Variants in NAA35 observed in about 807,000 individuals in gnomAD.
NAA35 encodes the protein N-alpha-acetyltransferase 35, NatC auxiliary subunit.
A neutral mutation model predicts 101.7 loss-of-function variants in NAA35; 18 were observed. The observed-to-expected ratio is 0.18, with a 90% CI of 0.12 to 0.26. The LOEUF (loss-of-function observed/expected upper bound fraction) is 0.26, where lower values mean the gene tolerates loss of function less well. NAA35 is among the 10% of genes least tolerant of loss of function. NAA35 has a pLI of 1.00. For missense variants in NAA35, 601 were observed against 886.8 expected, an observed-to-expected ratio of 0.68 and a Z score of 4.09; for synonymous variants, 267 against 273.1, an observed-to-expected ratio of 0.98 and a Z score of 0.22.
chr9:86,003,161 TG>T (rs1175495787), intron 12 of NAA35, among the ~76,000 whole-genome samples: 1 of 152,194 alleles, frequency 6.6e-6, no homozygotes, highest in Non-Finnish European at 1.5e-5. Context: ...ATTGATCACT[TG>T]GTAGACTCTT....
chr9:86,001,440 T>C (rs1252290344), intron 12 of NAA35, among the ~76,000 whole-genome samples: 1 of 152,218 alleles, frequency 6.6e-6, no homozygotes, highest in African/African-American at 2.4e-5. Flanking sequence ...AATATCTTTG[T>C]TAATTTTTTG....
intron 13 of NAA35, among the ~76,000 whole-genome samples, chr9:86,006,624 T>G (rs1398641063): frequency 6.6e-6 from 1 of 152,174 alleles, no homozygotes; most frequent in East Asian, 1.9e-4. Context: ...GATCAGTGCT[T>G]GCCAGGGGTT....
chr9:85,989,997 G>A (rs956197392), intron 11 of NAA35, among the ~76,000 whole-genome samples: 11 of 152,198 alleles, frequency 7.2e-5, no homozygotes, highest in African/African-American at 2.7e-4. Context: ...AGTTCATTTT[G>A]TGTTGCTGTA....
At chr9:85,974,638 T>C (rs943764415) in intron 6 of NAA35, among the ~76,000 whole-genome samples, 1 of 152,178 alleles carries the variant, frequency 6.6e-6, no homozygotes, top group African/African-American at 2.4e-5. Context: ...TGTTCACCTG[T>C]GAATGTGAGA....
intron 4 of NAA35, among the ~76,000 whole-genome samples, chr9:85,958,802 TTTTAAA>T (rs1394911503): frequency 2.6e-5 from 4 of 152,222 alleles, no homozygotes; most frequent in African/African-American, 7.2e-5. Context: ...ATTTGTGTAC[TTTTAAA>T]TTTAATTTTT....
chr9:86,010,649 A>G (rs1831875326), intron 15 of NAA35, among the ~76,000 whole-genome samples: 2 of 137,810 alleles, frequency 1.5e-5, no homozygotes, highest in Admixed American at 8.2e-5. Flanking sequence ...ATCTTGGCTC[A>G]CTGCAAGCTC....
At chr9:85,999,602 A>AG (rs1161984483) in intron 12 of NAA35, among the ~76,000 whole-genome samples, 1 of 152,188 alleles carries the variant, frequency 6.6e-6, no homozygotes, top group Admixed American at 6.5e-5. Context: ...CAGGTACCTT[A>AG]GGGGGACCCA....
chr9:86,005,651 T>C (rs2118355028), intron 13 of NAA35, among the ~76,000 whole-genome samples: 1 of 152,342 alleles, frequency 6.6e-6, no homozygotes, highest in Non-Finnish European at 1.5e-5. Context: ...GAAGTCATTA[T>C]ACAGAAAGCA....
intron 22 of NAA35, among the ~76,000 whole-genome samples, chr9:86,021,351 GTC>G (rs1480383471): frequency 1.3e-5 from 2 of 152,224 alleles, no homozygotes; most frequent in African/African-American, 4.8e-5. Context: ...AAGAGGAAGA[GTC>G]TAAGCTTTTC....
chr9:85,988,285 C>T (rs1225450828), intron 11 of NAA35, among the ~76,000 whole-genome samples: 2 of 152,130 alleles, frequency 1.3e-5, no homozygotes, highest in East Asian at 1.9e-4. Flanking sequence ...AAACACTGCT[C>T]AGAAACACTT....
chr9:86,014,497 T>A, intron 17 of NAA35: 1 of 258,092 alleles, frequency 3.9e-6, no homozygotes, highest in Non-Finnish European at 6.1e-6. Flanking sequence ...GATTGAGTGT[T>A]AATGAATTCA....
intron 12 of NAA35, among the ~76,000 whole-genome samples, chr9:85,999,486 C>T (rs1445659339): frequency 6.6e-6 from 1 of 152,140 alleles, no homozygotes; most frequent in Non-Finnish European, 1.5e-5. Context: ...TAGTAAGCAA[C>T]AGGGCTGACT....
At position 86,024,616 on chromosome 9, in the gene NAA35, G is replaced by A. The variant is rs374897686; in HGVS notation, c.*2656G>A. ...AAATGTTTTCAGAGGTACAGCTAAT[G>A]GGACATGGTGAATGAGAGTTTCTGC... On this transcript the variant is annotated 3_prime_UTR_variant, in exon 23 of 23. Coordinates refer to ENST00000361671, the MANE Select transcript of NAA35 (RefSeq NM_024635.4). 1.2e-4 allele frequency among the ~76,000 whole-genome samples: 18 copies of A among 152,272 alleles called. No homozygotes were observed. The East Asian group carries it at 3.1e-3, about 26-fold the overall frequency.
rs1451266480 is a variant in NAA35, at chr9:85,964,267, C to G, written c.516+2087C>G. On this transcript the variant is annotated intron_variant, in intron 6 of 22. Coordinates refer to ENST00000361671, the MANE Select transcript of NAA35 (RefSeq NM_024635.4). Reference sequence around the variant, plus strand: ...CATACTGTCCCATTTGCTTTTTTCACTTATGCGCGTGCTCCTGCTCATGCT... The same window carrying G: ...CATACTGTCCCATTTGCTTTTTTCAGTTATGCGCGTGCTCCTGCTCATGCT... Among the ~76,000 whole-genome samples, 4 of 151,856 alleles carry G rather than the reference C, an allele frequency of 2.6e-5. No individual in the cohort carries two copies. The East Asian group carries it at 7.7e-4, about 29-fold the overall frequency.
At chr9:85,992,103 C>T (rs747189456) in intron 11 of NAA35, among the ~76,000 whole-genome samples, 15 of 151,074 alleles carry the variant, frequency 9.9e-5, no homozygotes, top group Non-Finnish European at 1.6e-4. Context: ...GAACCCAGGA[C>T]GCAGAGCTTG....
In NAA35 at chr9:85,966,706, C is replaced by T. The variant is rs929933496; in HGVS notation, c.516+4526C>T. On this transcript the variant is annotated intron_variant, in intron 6 of 22. Transcript: ENST00000361671. ...TGACACTTCTGTTTTTACTAGTATA[C>T]ATTAGCACAGCTGTCTTGGCAAACA... 2.3e-5 allele frequency: 24 copies of T among 1,038,552 alleles called. No individual in the cohort carries two copies. In the African/African-American group the frequency reaches 3.0e-4, roughly 13 times the overall value. The allele number at this position is 1,038,552 out of a possible 1,614,324, so 64.3% of individuals were successfully genotyped here. A position where few individuals can be genotyped will look rare whatever the true frequency, so the allele number is the denominator to read the frequency against.
intron 11 of NAA35, among the ~76,000 whole-genome samples, chr9:85,981,828 C>G (rs1400672231): frequency 6.6e-6 from 1 of 152,100 alleles, no homozygotes; most frequent in Admixed American, 6.5e-5. Context: ...AATGTCTATT[C>G]TAGTAGAAGA....
At chr9:86,003,752 T>C (rs898973189) in intron 13 of NAA35, 108 bp downstream of exon 13, 2 of 606,646 alleles carry the variant, frequency 3.3e-6, no homozygotes, top group Non-Finnish European at 5.4e-6. Flanking sequence ...GATTTTCCAG[T>C]TAGTGTTGTG....
At chr9:85,970,135 T>C (rs949239360) in intron 6 of NAA35, among the ~76,000 whole-genome samples, 2 of 152,198 alleles carry the variant, frequency 1.3e-5, no homozygotes, top group African/African-American at 4.8e-5. Flanking sequence ...TTCTTGACTG[T>C]TATCTCTTTC....
Sources: gnomAD v4.1 joint callset for allele counts (sites outside exome capture counted in the v4.1 genomes callset) on GRCh38, gnomAD v4.1.1 for gene constraint, MANE v1.5 for transcripts, NCBI Gene and HGNC (gene_info 2026-07-23, HGNC 2026-07-21) for gene names.